The following NR1I2 variants were observed in gnomAD, a reference collection of about 807,000 sequenced individuals.
The protein encoded by NR1I2 is orphan nuclear receptor PAR1.
NR1I2 carries 42 observed loss-of-function variants against 43.3 expected under a neutral mutation model. The observed-to-expected ratio is 0.97, with a 90% CI of 0.76 to 1.26. NR1I2 has a LOEUF of 1.26. Among genes scored for constraint, NR1I2 ranks in the 50% most tolerant of loss-of-function variants. The pLI, the probability that NR1I2 is intolerant of heterozygous loss-of-function variation, is 0.00. For missense variants in NR1I2, 559 were observed against 566.7 expected (o/e 0.99, Z 0.14); for synonymous variants, 229 against 215.0 (o/e 1.06, Z -0.57).
chr3:119,809,572 G>A (rs1459903708), intron 2 of NR1I2, among the ~76,000 whole-genome samples: 4 of 146,326 alleles, frequency 2.7e-5, no homozygotes, highest in South Asian at 4.7e-4. Flanking sequence ...GGGGAAGGCG[G>A]GGGGGTGGGG....
At chr3:119,799,352 A>T (rs1404067057) in intron 1 of NR1I2, among the ~76,000 whole-genome samples, 1 of 152,084 alleles carries the variant, frequency 6.6e-6, no homozygotes, top group Non-Finnish European at 1.5e-5. Flanking sequence ...ATCTATTTTA[A>T]TCTTTTGTTC....
intron 1 of NR1I2, among the ~76,000 whole-genome samples, chr3:119,797,770 C>T (rs1287766548): frequency 6.6e-6 from 1 of 152,196 alleles, no homozygotes; most frequent in East Asian, 1.9e-4. Flanking sequence ...GGATAACTTT[C>T]TTTGGTATTA....
chr3:119,802,879 G>A (rs1356373829), intron 1 of NR1I2: 3 of 456,600 alleles, frequency 6.6e-6, no homozygotes, highest in Middle Eastern at 6.5e-4. Flanking sequence ...TGATTGTTAT[G>A]AGGAATAAAT....
At chr3:119,807,159 A>G in intron 1 of NR1I2, 70 bp from the exon 2 acceptor site, 1 of 1,336,448 alleles carries the variant, frequency 7.5e-7, no homozygotes. Context: ...GAAGGGACAG[A>G]GTGTTTCCTC....
In NR1I2 at chr3:119,817,521, G is replaced by C. The variant is rs144754909; in HGVS notation, c.*309G>C. ...CTTTTAAAAGGCCCTGTGGTCTGGG[G>C]AGAAATCCCTCAGATCCCACTAAAG... On this transcript the variant is annotated 3_prime_UTR_variant, in exon 9 of 9. Coordinates refer to ENST00000393716, the MANE Select transcript of NR1I2 (RefSeq NM_003889.4). 3.4e-4 allele frequency: 429 copies of C among 1,248,758 alleles called. 2 individuals carry two copies. The African/African-American group carries it at 6.1e-3, about 18-fold the overall frequency. 77.4% of individuals were successfully genotyped at this position (1,248,758 alleles called of 1,614,324 possible).
chr3:119,815,109 G>A lies in NR1I2; in HGVS notation c.925G>A (p.Glu309Lys). 2 of 1,614,162 alleles carry A rather than the reference G, an allele frequency of 1.2e-6. No individual in the cohort carries two copies. The highest frequency in any genetic ancestry group is 1.7e-6 in the Non-Finnish European group (2 of 1,180,042). Residue 309 changes from glutamate to lysine, a missense_variant, in exon 6 of 9, where the codon GAA becomes AAA. By Grantham distance (56) the Glu-to-Lys change is moderately conservative. Coordinates refer to ENST00000393716, the MANE Select transcript of NR1I2 (RefSeq NM_003889.4). ...GTGTGGCCGGCTGTCCTACTGCTTGGAAGACACTGCAGGTGCCCGAGAGAG... is the reference window on the plus strand; with the variant it reads ...GTGTGGCCGGCTGTCCTACTGCTTGAAAGACACTGCAGGTGCCCGAGAGAG...
chr3:119,811,400 G>A, intron 3 of NR1I2, 139 bp from the exon 4 acceptor site: 2 of 794,738 alleles, frequency 2.5e-6, no homozygotes, highest in Non-Finnish European at 2.0e-6. Flanking sequence ...GTCCAGACAG[G>A]GGAGAATTGC....
At chr3:119,783,016 A>C (rs557353169) in intron 1 of NR1I2, among the ~76,000 whole-genome samples, 88 of 152,234 alleles carry the variant, frequency 5.8e-4, no homozygotes, top group African/African-American at 2.0e-3. Flanking sequence ...CATATCTAGG[A>C]CAGGTCAACA....
intron 1 of NR1I2, among the ~76,000 whole-genome samples, chr3:119,789,240 C>A (rs1326507859): frequency 6.6e-6 from 1 of 152,190 alleles, no homozygotes; most frequent in African/African-American, 2.4e-5. Context: ...ACATGGTTAT[C>A]TTTTTCTTCC....
chr3:119,793,043 C>T (rs745672894), intron 1 of NR1I2, among the ~76,000 whole-genome samples: 7 of 151,926 alleles, frequency 4.6e-5, no homozygotes, highest in Non-Finnish European at 1.0e-4. Context: ...TTAAAGAGCC[C>T]GGCACCTCCT....
chr3:119,798,131 C>T (rs1334098494), intron 1 of NR1I2, among the ~76,000 whole-genome samples: 3 of 152,042 alleles, frequency 2.0e-5, no homozygotes, highest in Admixed American at 1.3e-4. Flanking sequence ...TGCTTCTGTC[C>T]GATTCTTGTG....
At chr3:119,805,784 C>T (rs2055151457) in intron 1 of NR1I2, among the ~76,000 whole-genome samples, 1 of 143,716 alleles carries the variant, frequency 7.0e-6, no homozygotes, top group Non-Finnish European at 1.5e-5. Flanking sequence ...AATTACCAAC[C>T]CAAATGCACT....
Position 119,810,090 on chromosome 3 carries a change from G to A in NR1I2, c.227G>A (p.Arg76Lys), listed in dbSNP as rs754289162. ...GCCATGAAACGCAACGCCCGGCTGA[G>A]GTGCCCCTTCCGGAAGGGCGCCTGC... Residue 76 changes from arginine to lysine, a missense_variant, in exon 3 of 9, where the codon AGG (arginine) becomes AAG (lysine). By Grantham distance (26) the Arg-to-Lys change is conservative. Transcript: ENST00000393716. The A allele has an allele frequency of 3.7e-6, 6 of 1,613,776 alleles. No individual in the cohort carries two copies. The East Asian group carries it at 1.1e-4, about 30-fold the overall frequency.
intron 1 of NR1I2, among the ~76,000 whole-genome samples, chr3:119,805,106 A>AT (rs1228643224): frequency 6.6e-6 from 1 of 151,886 alleles, no homozygotes; most frequent in Non-Finnish European, 1.5e-5. Flanking sequence ...ATTTTTATTC[A>AT]TTTTCAAATC....
chr3:119,808,158 A>G (rs2055187611), intron 2 of NR1I2, among the ~76,000 whole-genome samples: 1 of 152,238 alleles, frequency 6.6e-6, no homozygotes. Context: ...GTTTGGCAAT[A>G]AGGAAAATGT....
In NR1I2 at chr3:119,782,935, T is replaced by C. The variant is rs2054796046; in HGVS notation, c.-23+635T>C. 7.4e-6 allele frequency: 8 copies of C among 1,079,434 alleles called. No homozygotes were observed. The East Asian group carries it at 1.9e-4, about 26-fold the overall frequency. The allele number at this position is 1,079,434 out of a possible 1,614,324, so 66.9% of individuals were successfully genotyped here. ...CCTGCATGTGGTCAGTGCCACCAGG[T>C]CCTTCTTCTCTCCACTTTACAGCCC... is the stretch of plus-strand genomic sequence containing the variant. On this transcript the variant is annotated intron_variant, in intron 1 of 8. Transcript: ENST00000393716.
chr3:119,808,386 G>A (rs2107970212), intron 2 of NR1I2, among the ~76,000 whole-genome samples: 1 of 152,366 alleles, frequency 6.6e-6, no homozygotes, highest in South Asian at 2.1e-4. Context: ...TTTCCCAGGA[G>A]TCCCCTCACA....
At chr3:119,798,185 C>T (rs1281601009) in intron 1 of NR1I2, among the ~76,000 whole-genome samples, 2 of 152,142 alleles carry the variant, frequency 1.3e-5, no homozygotes, top group Non-Finnish European at 2.9e-5. Context: ...TCGTGTGTCT[C>T]TTACGCCCTG....
intron 5 of NR1I2, among the ~76,000 whole-genome samples, chr3:119,813,961 G>A (rs1577286255): frequency 2.0e-5 from 3 of 152,242 alleles, no homozygotes; most frequent in Middle Eastern, 6.8e-3. Flanking sequence ...AGTTCCCCAA[G>A]GATAAGAAAC....
Sources: allele counts gnomAD v4.1 joint callset (sites outside exome capture counted in the v4.1 genomes callset), GRCh38; gene constraint gnomAD v4.1.1; transcripts MANE v1.5; gene names NCBI Gene and HGNC (gene_info 2026-07-23, HGNC 2026-07-21).